The following FHIT variants were observed in gnomAD, a reference collection of about 807,000 sequenced individuals.
The protein encoded by FHIT is fragile histidine triad diadenosine triphosphatase.
A neutral mutation model predicts 17.9 loss-of-function variants in FHIT; 19 were observed. The ratio of observed to expected loss-of-function variants is 1.06; its 90% CI spans 0.74 to 1.56. The LOEUF is 1.56. FHIT is among the 40% of genes most tolerant of loss of function. The pLI is 0.00. For synonymous variants in FHIT, 81 were observed against 69.7 expected (o/e 1.16, Z -0.81); for missense variants, 248 against 189.2 (o/e 1.31, Z -1.82).
At chr3:60,674,770 T>C (rs1036203084) in intron 4 of FHIT, among the ~76,000 whole-genome samples, 2 of 152,168 alleles carry the variant, frequency 1.3e-5, no homozygotes, top group Non-Finnish European at 2.9e-5. Flanking sequence ...ACTAGTGTCT[T>C]TGTTCGGCTC....
At chr3:60,383,312 A>G (rs1156909406) in intron 5 of FHIT, among the ~76,000 whole-genome samples, 3 of 152,164 alleles carry the variant, frequency 2.0e-5, no homozygotes, top group Admixed American at 6.5e-5. Context: ...GATAATAACA[A>G]TATTTTTTAA....
intron 2 of FHIT, among the ~76,000 whole-genome samples, chr3:61,043,865 AG>A (rs1390001011): frequency 6.6e-6 from 1 of 152,214 alleles, no homozygotes; most frequent in East Asian, 1.9e-4. Context: ...CCAGGCAAAC[AG>A]GGTCTGGAGT....
intron 5 of FHIT, among the ~76,000 whole-genome samples, chr3:60,314,937 A>G (rs1021289036): frequency 3.9e-5 from 6 of 152,166 alleles, no homozygotes; most frequent in Non-Finnish European, 7.3e-5. Context: ...ATTTAAAATA[A>G]TAATAATAAA....
intron 5 of FHIT, among the ~76,000 whole-genome samples, chr3:60,198,892 A>G (rs1396442380): frequency 6.6e-6 from 1 of 152,186 alleles, no homozygotes; most frequent in East Asian, 1.9e-4. Flanking sequence ...CTACAACAGT[A>G]TTACTGCAGA....
chr3:61,045,141 T>C (rs902536085), intron 2 of FHIT, among the ~76,000 whole-genome samples: 2 of 152,180 alleles, frequency 1.3e-5, no homozygotes, highest in African/African-American at 4.8e-5. Flanking sequence ...AATATTAACC[T>C]TAAATGTAAA....
chr3:60,864,191 G>C (rs6782381), intron 3 of FHIT, among the ~76,000 whole-genome samples: 30,576 of 151,560 alleles, frequency 0.2, 3,287 homozygotes, highest in Middle Eastern at 0.27. Context: ...TACCCACTGG[G>C]TCCCTCCCAT....
At chr3:61,149,820 C>G (rs1008540033) in intron 2 of FHIT, among the ~76,000 whole-genome samples, 1 of 152,118 alleles carries the variant, frequency 6.6e-6, no homozygotes, top group African/African-American at 2.4e-5. Context: ...TTAGAGGCTG[C>G]AATGGGCCAT....
chr3:60,402,458 C>T (rs1017684009), intron 5 of FHIT, among the ~76,000 whole-genome samples: 1 of 152,166 alleles, frequency 6.6e-6, no homozygotes, highest in African/African-American at 2.4e-5. Context: ...GGTAAAACTC[C>T]TCTCAGACCT....
At chr3:60,358,202 T>C (rs1699754156) in intron 5 of FHIT, among the ~76,000 whole-genome samples, 1 of 152,238 alleles carries the variant, frequency 6.6e-6, no homozygotes, top group Non-Finnish European at 1.5e-5. Context: ...AACAAGCACT[T>C]AATACATATT....
chr3:59,967,611 T>C (rs773031914), intron 7 of FHIT, among the ~76,000 whole-genome samples: 2 of 152,184 alleles, frequency 1.3e-5, no homozygotes, highest in African/African-American at 2.4e-5. Flanking sequence ...GGTAAAATTC[T>C]AAAATGCACT....
intron 5 of FHIT, among the ~76,000 whole-genome samples, chr3:60,022,710 C>A (rs1005751536): frequency 3.9e-5 from 6 of 152,166 alleles, no homozygotes; most frequent in African/African-American, 1.2e-4. Context: ...TGATAAGGAG[C>A]AGGAGGAAAG....
At chr3:60,073,571 T>C (rs1002095671) in intron 5 of FHIT, among the ~76,000 whole-genome samples, 4 of 152,174 alleles carry the variant, frequency 2.6e-5, no homozygotes, top group South Asian at 2.1e-4. Context: ...GACGCTGATA[T>C]TAATTACCTT....
At chr3:60,368,695 A>G (rs962735282) in intron 5 of FHIT, among the ~76,000 whole-genome samples, 2 of 151,910 alleles carry the variant, frequency 1.3e-5, no homozygotes, top group African/African-American at 4.8e-5. Context: ...TTATTAACTT[A>G]TTTTTTCTTT....
intron 3 of FHIT, among the ~76,000 whole-genome samples, chr3:60,867,049 T>C (rs546119807): frequency 4.3e-4 from 65 of 152,192 alleles, no homozygotes; most frequent in Non-Finnish European, 7.3e-4. Context: ...CTCAGCAACA[T>C]GAGCCTACAA....
chr3:60,710,495 G>C (rs1400493959), intron 4 of FHIT, among the ~76,000 whole-genome samples: 1 of 152,242 alleles, frequency 6.6e-6, no homozygotes, highest in Non-Finnish European at 1.5e-5. Flanking sequence ...AAGCGCAAGG[G>C]ATCAGGGAGT....
At chr3:61,240,874 C>T (rs1401820513) in intron 1 of FHIT, among the ~76,000 whole-genome samples, 1 of 152,136 alleles carries the variant, frequency 6.6e-6, no homozygotes, top group Admixed American at 6.5e-5. Flanking sequence ...GTGGCACAGG[C>T]CTTGGTACCT....
rs138544854 is a variant in FHIT at position 60,077,738 on chromosome 3, A to AG, written c.104-63587dup. ...CACACACACACACACACATATATAG[A>AG]GGGGGGGGGGAGGATACAAAGTAAC... On this transcript the variant is annotated intron_variant, in intron 5 of 9. Coordinates refer to ENST00000492590, the MANE Select transcript of FHIT (RefSeq NM_002012.4). Among the ~76,000 whole-genome samples the AG allele has an allele frequency of 5.6e-3, 683 of 122,584 alleles. 13 individuals are homozygous for AG. Among genetic ancestry groups the AG allele is most frequent in the African/African-American group, 0.02 (589 of 29,458 alleles). The allele number at this position is 122,584 out of a possible 152,430, so 80.4% of individuals were successfully genotyped here.
intron 8 of FHIT, among the ~76,000 whole-genome samples, chr3:59,778,401 A>G (rs531916779): frequency 3.0e-4 from 46 of 152,326 alleles, no homozygotes; most frequent in African/African-American, 1.1e-3. Context: ...AACAAAACCA[A>G]AATGGCCCCT....
At chr3:60,982,333 C>A (rs555123224) in intron 3 of FHIT, among the ~76,000 whole-genome samples, 2 of 152,358 alleles carry the variant, frequency 1.3e-5, no homozygotes, top group Non-Finnish European at 2.9e-5. Context: ...TTCTGTTTAC[C>A]ATGTGAACTG....
Sources: gnomAD v4.1 joint callset for allele counts (sites outside exome capture counted in the v4.1 genomes callset) on GRCh38, gnomAD v4.1.1 for gene constraint, MANE v1.5 for transcripts, NCBI Gene and HGNC (gene_info 2026-07-23, HGNC 2026-07-21) for gene names.